Variants in MTCH2 observed in about 807,000 individuals in gnomAD.
MTCH2 encodes the protein mitochondrial carrier 2.
MTCH2 carries 25 observed loss-of-function variants against 50.6 expected under a neutral mutation model. The ratio of observed to expected loss-of-function variants is 0.49; its 90% CI spans 0.36 to 0.69. The LOEUF (loss-of-function observed/expected upper bound fraction) is 0.69, where lower values mean the gene tolerates loss of function less well. Ranked by LOEUF, MTCH2 falls within the 30% of genes least tolerant of loss-of-function variation. MTCH2 has a pLI of 0.00. For synonymous variants in MTCH2, 106 were observed against 132.0 expected (o/e 0.80, Z 1.35); for missense variants, 273 against 384.4 (o/e 0.71, Z 2.42).
intron 4 of MTCH2, among the ~76,000 whole-genome samples, chr11:47,635,041 G>T (rs886942431): frequency 1.3e-5 from 2 of 152,004 alleles, no homozygotes; most frequent in African/African-American, 4.8e-5. Flanking sequence ...CCAAAGTGCT[G>T]GGATTACAGG....
At chr11:47,619,941 G>A (rs2097291699) in intron 12 of MTCH2, among the ~76,000 whole-genome samples, 1 of 152,206 alleles carries the variant, frequency 6.6e-6, no homozygotes, top group African/African-American at 2.4e-5. Context: ...GCCGGGCGTA[G>A]TGGCGGACAC....
chr11:47,606,970 C>T, the MTCH2 span, among the ~76,000 whole-genome samples: 2 of 152,222 alleles, frequency 1.3e-5, no homozygotes, highest in African/African-American at 2.4e-5. Context: ...CAGATGTGTG[C>T]TTCCCTGGGG....
chr11:47,635,010 A>C (rs939161564), intron 4 of MTCH2, among the ~76,000 whole-genome samples: 7 of 151,602 alleles, frequency 4.6e-5, no homozygotes, highest in Non-Finnish European at 1.0e-4. Context: ...TGACCTCGTG[A>C]TCTCCACCTG....
At chr11:47,628,576 TTTA>T (rs1460144572) in intron 9 of MTCH2, among the ~76,000 whole-genome samples, 1 of 137,998 alleles carries the variant, frequency 7.2e-6, no homozygotes, top group Non-Finnish European at 1.6e-5. Flanking sequence ...TGTTTATTTA[TTTA>T]TTATTTATTT....
chr11:47,607,419 A>G, the MTCH2 span, among the ~76,000 whole-genome samples: 1 of 152,166 alleles, frequency 6.6e-6, no homozygotes, highest in Non-Finnish European at 1.5e-5. Context: ...ATCCCACTAG[A>G]AAACAGTCCA....
At chr11:47,632,541 T>A (rs1024302162) in intron 5 of MTCH2, among the ~76,000 whole-genome samples, 14 of 151,818 alleles carry the variant, frequency 9.2e-5, no homozygotes, top group Admixed American at 6.6e-4. Flanking sequence ...TTGTATTTTT[T>A]AGTAGAGACG....
chr11:47,607,069 G>T, the MTCH2 span, among the ~76,000 whole-genome samples: 1 of 152,224 alleles, frequency 6.6e-6, no homozygotes, highest in East Asian at 1.9e-4. Context: ...AAAGCTTGCA[G>T]GATGTGGACT....
At chr11:47,614,116 T>C (rs1389313241), downstream of MTCH2, among the ~76,000 whole-genome samples, 1 of 151,964 alleles carries the variant, frequency 6.6e-6, no homozygotes, top group Non-Finnish European at 1.5e-5. Flanking sequence ...CACAATGTGG[T>C]TTACTGGCTA....
At chr11:47,605,295 TC>T in the MTCH2 span, among the ~76,000 whole-genome samples, 16 of 152,278 alleles carry the variant, frequency 1.1e-4, no homozygotes, top group East Asian at 3.1e-3. Flanking sequence ...AGAGCCACTA[TC>T]TTTTTAAGCA....
At chr11:47,613,787 C>G (rs989973762), downstream of MTCH2, among the ~76,000 whole-genome samples, 3 of 152,082 alleles carry the variant, frequency 2.0e-5, no homozygotes, top group African/African-American at 7.2e-5. Context: ...AGATGGATGG[C>G]TTACATAACA....
At chr11:47,624,810 A>G (rs537103548) in intron 11 of MTCH2, among the ~76,000 whole-genome samples, 11 of 152,276 alleles carry the variant, frequency 7.2e-5, no homozygotes, top group Admixed American at 7.2e-4. Flanking sequence ...AAAATAGGCC[A>G]GGTGCAGTGG....
chr11:47,607,063 C>T, the MTCH2 span, among the ~76,000 whole-genome samples: 19 of 152,300 alleles, frequency 1.2e-4, no homozygotes, highest in African/African-American at 4.6e-4. Flanking sequence ...TGGTGTAAAG[C>T]TTGCAGGATG....
the MTCH2 span, among the ~76,000 whole-genome samples, chr11:47,606,981 A>G: frequency 6.6e-6 from 1 of 152,176 alleles, no homozygotes; most frequent in African/African-American, 2.4e-5. Context: ...TTCCCTGGGG[A>G]CACGACTTCC....
the MTCH2 span, among the ~76,000 whole-genome samples, chr11:47,611,276 A>G: frequency 1.3e-5 from 2 of 152,252 alleles, no homozygotes; most frequent in Admixed American, 6.5e-5. Context: ...GAGGAAAGGC[A>G]TGAGATTCCA....
At chr11:47,641,352 C>G (rs1396913404) in intron 1 of MTCH2, among the ~76,000 whole-genome samples, 1 of 152,126 alleles carries the variant, frequency 6.6e-6, no homozygotes, top group African/African-American at 2.4e-5. Context: ...AATCTGAATT[C>G]ACACAGGTCT....
downstream of MTCH2, among the ~76,000 whole-genome samples, chr11:47,612,833 C>A (rs1256421850): frequency 6.6e-6 from 1 of 152,028 alleles, no homozygotes; most frequent in East Asian, 1.9e-4. Flanking sequence ...GATTCTGACT[C>A]CTTTCAAGTT....
chr11:47,619,316 A>T (rs1036604455), intron 12 of MTCH2, among the ~76,000 whole-genome samples: 9 of 152,214 alleles, frequency 5.9e-5, no homozygotes, highest in African/African-American at 2.2e-4. Context: ...GGCTCACTGC[A>T]ACCTCTGCCT....
rs140582968 is a variant in MTCH2, at chr11:47,634,606, G to A, written c.369+66C>T. The A allele has an allele frequency of 1.3e-4, 166 of 1,248,572 alleles. 3 individuals carry two copies. In the African/African-American group the frequency reaches 2.0e-3, roughly 15 times the overall value. The allele number at this position is 1,248,572 out of a possible 1,614,324, so 77.3% of individuals were successfully genotyped here. ...CTGAACACACAGGCCTGATGATTCT[G>A]ATTCCATAGTTGCAACACCACAGTT... On this transcript the variant is annotated intron_variant, in intron 5 of 12. Coordinates refer to ENST00000302503, the MANE Select transcript of MTCH2 (RefSeq NM_014342.4).
chr11:47,614,314 A>G (rs2097287153), downstream of MTCH2, among the ~76,000 whole-genome samples: 1 of 152,130 alleles, frequency 6.6e-6, no homozygotes, highest in Non-Finnish European at 1.5e-5. Context: ...TAAAACGAGG[A>G]TGCCTATCCT....
Sources: allele counts gnomAD v4.1 joint callset (sites outside exome capture counted in the v4.1 genomes callset), GRCh38; gene constraint gnomAD v4.1.1; transcripts MANE v1.5; gene names NCBI Gene and HGNC (gene_info 2026-07-23, HGNC 2026-07-21).